Variants in COL16A1 observed in about 807,000 individuals in gnomAD.
The protein encoded by COL16A1 is collagen type XVI alpha 1 chain, also known as collagen alpha-1(XVI) chain.
A neutral mutation model predicts 266.3 loss-of-function variants in COL16A1; 189 were observed. The observed-to-expected ratio is 0.71, with a 90% confidence interval of 0.63 to 0.80. The LOEUF is 0.80. Ranked by LOEUF, COL16A1 falls within the 30% of genes least tolerant of loss-of-function variation. COL16A1 has a pLI of 0.00. For missense variants in COL16A1, 1,928 were observed against 2,122.4 expected, an observed-to-expected ratio of 0.91 and a Z score of 1.80; for synonymous variants, 740 against 782.3, an observed-to-expected ratio of 0.95 and a Z score of 0.90.
intron 26 of COL16A1, among the ~76,000 whole-genome samples, chr1:31,687,180 G>C (rs962808048): frequency 1.3e-5 from 2 of 152,068 alleles, no homozygotes; most frequent in African/African-American, 4.8e-5. Context: ...TCAGGAATTT[G>C]AGACCAGCCT....
chr1:31,686,473 C>T (rs1175896298), intron 26 of COL16A1, 194 bp from the exon 27 acceptor site: 2 of 761,158 alleles, frequency 2.6e-6, no homozygotes, highest in Admixed American at 2.0e-5. Context: ...CCTATTTCTG[C>T]CCCCAGCTTC....
chr1:31,676,774 C>T (rs982428077), intron 42 of COL16A1, among the ~76,000 whole-genome samples: 4 of 152,170 alleles, frequency 2.6e-5, no homozygotes, highest in African/African-American at 9.7e-5. Context: ...ATTTTGAATC[C>T]CCAGCACCCA....
At position 31,697,311 on chromosome 1, in the gene COL16A1, C is replaced by A. The variant is rs1368693363; in HGVS notation, c.658-11G>T. ...CTGCTGAAGGTCAAACTGCAGGAGA[C>A]ACACACATCAATTTCACTTCATTTT... On this transcript the variant is annotated splice_polypyrimidine_tract_variant and intron_variant, in intron 6 of 70. Coordinates refer to ENST00000373672, the MANE Select transcript of COL16A1 (RefSeq NM_001856.4). The surrounding 1 kb of genome is among the most constrained non-coding windows in gnomAD (Gnocchi z 4.2). 6.3e-7 allele frequency: 1 copy of A among 1,599,100 alleles called. No individual in the cohort carries two copies. Among genetic ancestry groups the A allele is most frequent in the Admixed American group, 1.7e-5 (1 of 58,594 alleles).
At chr1:31,677,653 T>C (rs1038985529) in intron 42 of COL16A1, among the ~76,000 whole-genome samples, 1 of 152,250 alleles carries the variant, frequency 6.6e-6, no homozygotes, top group African/African-American at 2.4e-5. Context: ...TGAAATGAGA[T>C]AACTAAGCAC....
At chr1:31,684,722 G>A (rs1014976237) in intron 30 of COL16A1, 92 bp from the exon 31 acceptor site, 78 of 1,609,070 alleles carry the variant, frequency 4.8e-5, no homozygotes, top group Middle Eastern at 1.7e-4. Flanking sequence ...CTCCTTTGCC[G>A]GGGCTGAGGG....
rs776204540 is a variant in COL16A1, at chr1:31,662,695, A to G, written c.3556-37T>C. 2.5e-5 allele frequency: 28 copies of G among 1,103,370 alleles called. No individual in the cohort carries two copies. In the South Asian group the frequency reaches 2.7e-4, roughly 10 times the overall value. The allele number at this position is 1,103,370 out of a possible 1,614,324, so 68.3% of individuals were successfully genotyped here. On this transcript the variant is annotated intron_variant, in intron 56 of 70. Transcript: ENST00000373672. ...CGCCGCCCCCCCCCCCCGCCCCACA[A>G]TAAAGTCAGCAGGGCTTTGCCCCAC...
At chr1:31,696,877 C>A in intron 8 of COL16A1, 86 bp downstream of exon 8, 1 of 1,589,146 alleles carries the variant, frequency 6.3e-7, no homozygotes. Context: ...GCCAACTGAC[C>A]CTGGTGGCAG....
chr1:31,662,351 C>T lies in COL16A1; in HGVS notation c.3664G>A (p.Gly1222Ser), dbSNP rs367794871. ...AGLDGLDGKD[G>S]KPGLRGDPGP... ...CATCTCACCCTCAAGCCAGGCTTGCCGTCCTTCCCATCCAAACCATCCAGA... is the reference window on the plus strand; with the variant it reads ...CATCTCACCCTCAAGCCAGGCTTGCTGTCCTTCCCATCCAAACCATCCAGA... Residue 1222 changes from glycine to serine, a missense_variant, in exon 58 of 71, where the codon GGC becomes AGC. Coordinates refer to ENST00000373672, the MANE Select transcript of COL16A1 (RefSeq NM_001856.4). The T allele has an allele frequency of 8.1e-6, 13 of 1,611,760 alleles. No homozygotes were observed. Among genetic ancestry groups the T allele is most frequent in the South Asian group, 1.1e-5 (1 of 90,600 alleles).
At chr1:31,678,182 G>A (rs1348791100) in intron 42 of COL16A1, among the ~76,000 whole-genome samples, 1 of 152,094 alleles carries the variant, frequency 6.6e-6, no homozygotes, top group African/African-American at 2.4e-5. Context: ...CAGGGGAGGT[G>A]TGCCAGGGTG....
In COL16A1 at chr1:31,692,904, A is replaced by T; in HGVS notation, c.1072-96T>A. The T allele has an allele frequency of 2.4e-6, 3 of 1,237,006 alleles. No individual in the cohort carries two copies. The South Asian group carries it at 3.8e-5, about 15-fold the overall frequency. The allele number at this position is 1,237,006 out of a possible 1,614,324, so 76.6% of individuals were successfully genotyped here. ...ATCGGCCCGGGAACCCCATAGTCCT[A>T]AGTATCCCTAGAAAAGGGGGGCTTC... On this transcript the variant is annotated intron_variant, in intron 13 of 70. Coordinates refer to ENST00000373672, the MANE Select transcript of COL16A1 (RefSeq NM_001856.4).
chr1:31,696,611 A>C (rs1644513970), intron 8 of COL16A1, among the ~76,000 whole-genome samples: 1 of 152,210 alleles, frequency 6.6e-6, no homozygotes, highest in South Asian at 2.1e-4. Flanking sequence ...CTGACCTCTG[A>C]TCCCAGGTAT....
intron 69 of COL16A1, 74 bp from the exon 70 acceptor site, chr1:31,653,750 C>A (rs1570314303): frequency 3.1e-6 from 1 of 321,238 alleles, no homozygotes; most frequent in Non-Finnish European, 5.2e-6. Context: ...ACTTGAAACA[C>A]ACACACACAC....
In COL16A1 at chr1:31,698,504, G is replaced by C. The variant is rs762901811; in HGVS notation, c.369C>G (p.Thr123=). Residue 123 remains threonine (T), a synonymous_variant, in exon 5 of 71, where the codon ACC becomes ACG. Coordinates refer to ENST00000373672, the MANE Select transcript of COL16A1 (RefSeq NM_001856.4). This position sits in a 1 kb window ranked among gnomAD's most constrained non-coding sequence, Gnocchi z 4.1. ...HQKTWYLFQV[T]DANGYPQISL... The stretch of plus-strand genomic sequence containing the variant: ...TCACCTGTGGATACCCATTTGCATC[G>C]GTCACTTGAAACAGATACCACGTCT... 6.2e-7 allele frequency: 1 copy of C among 1,614,116 alleles called. No homozygotes were observed. Among genetic ancestry groups the C allele is most frequent in the Non-Finnish European group, 8.5e-7 (1 of 1,180,012 alleles).
chr1:31,662,674 G>GC lies in COL16A1; in HGVS notation c.3556-17dup, dbSNP rs71006318. On this transcript the variant is annotated splice_polypyrimidine_tract_variant and intron_variant, in intron 56 of 70. Transcript: ENST00000373672. ...CTTCGCTGCCCTGGAAACCAGCGCC[G>GC]CCCCCCCCCCCCGCCCCACAATAAA... The GC allele has an allele frequency of 0.05, 61,733 of 1,236,844 alleles. 58 individuals are homozygous for GC. The highest frequency in any genetic ancestry group is 0.054 in the Non-Finnish European group (50,856 of 939,888). The allele number at this position is 1,236,844 out of a possible 1,614,324, so 76.6% of individuals were successfully genotyped here. A position where few individuals can be genotyped will look rare whatever the true frequency, so the allele number is the denominator to read the frequency against.
At chr1:31,699,528 C>A (rs898225912) in intron 4 of COL16A1, among the ~76,000 whole-genome samples, 26 of 152,322 alleles carry the variant, frequency 1.7e-4, no homozygotes, top group African/African-American at 6.3e-4. Context: ...ATGACTCTTG[C>A]CAGGTTCCCG....
rs1393219851 is a variant in COL16A1 at position 31,680,946 on chromosome 1, C to A, written c.2584-15G>T. 6.2e-7 allele frequency: 1 copy of A among 1,614,154 alleles called. No homozygotes were observed. The highest frequency in any genetic ancestry group is 8.5e-7 in the Non-Finnish European group (1 of 1,180,008). ...CCTTTTTCACCCTGCAGGGAAGAAACACAGGAAGGTGAGCAGATAGGGGTG... is the reference window on the plus strand; with the variant it reads ...CCTTTTTCACCCTGCAGGGAAGAAAAACAGGAAGGTGAGCAGATAGGGGTG... On this transcript the variant is annotated splice_polypyrimidine_tract_variant and intron_variant, in intron 38 of 70. Coordinates refer to ENST00000373672, the MANE Select transcript of COL16A1 (RefSeq NM_001856.4).
intron 2 of COL16A1, chr1:31,701,557 C>G (rs1481148825): frequency 1.5e-5 from 15 of 985,246 alleles, no homozygotes; most frequent in Non-Finnish European, 1.8e-5. Flanking sequence ...TGGCTTTGGG[C>G]CCTGGAAAGC....
intron 42 of COL16A1, among the ~76,000 whole-genome samples, chr1:31,678,232 T>C (rs1177564009): frequency 2.6e-5 from 4 of 152,090 alleles, no homozygotes; most frequent in Admixed American, 1.3e-4. Flanking sequence ...TATCAAATCA[T>C]TGGGGCAAGG....
intron 37 of COL16A1, 111 bp downstream of exon 37, chr1:31,682,823 T>C: frequency 7.3e-7 from 1 of 1,369,394 alleles, no homozygotes; most frequent in Non-Finnish European, 1.0e-6. Context: ...GCCTCTCTCC[T>C]CCCATCCCCT....
Sources: allele counts gnomAD v4.1 joint callset (sites outside exome capture counted in the v4.1 genomes callset), GRCh38; gene constraint gnomAD v4.1.1; non-coding constraint Gnocchi (gnomAD v3.1); transcripts MANE v1.5; gene names NCBI Gene and HGNC (gene_info 2026-07-23, HGNC 2026-07-21).